Variants in WDR72 observed in about 807,000 individuals in gnomAD.
WDR72 encodes WD repeat-containing protein 72.
A neutral mutation model predicts 124.2 loss-of-function variants in WDR72; 120 were observed. The observed-to-expected ratio is 0.97, with a 90% CI of 0.83 to 1.12. WDR72 has a LOEUF of 1.12. Among genes scored for constraint, WDR72 ranks in the 50% most tolerant of loss-of-function variants. The pLI is 0.00. For synonymous variants in WDR72, 452 were observed against 441.7 expected (o/e 1.02, Z -0.29); for missense variants, 1,387 against 1,278.8 (o/e 1.08, Z -1.29).
intron 13 of WDR72, among the ~76,000 whole-genome samples, chr15:53,670,317 A>G (rs1001741424): frequency 1.3e-5 from 2 of 152,248 alleles, no homozygotes; most frequent in Non-Finnish European, 2.9e-5. Flanking sequence ...AAAGTTGCGT[A>G]GTTTCCAAAA....
chr15:53,692,917 CT>C (rs1459128001), intron 13 of WDR72, among the ~76,000 whole-genome samples: 2 of 152,056 alleles, frequency 1.3e-5, no homozygotes, highest in Admixed American at 1.3e-4. Flanking sequence ...CCTATTTTTT[CT>C]TTCCTAAAAC....
chr15:53,704,735 T>C (rs1052787612), intron 11 of WDR72, among the ~76,000 whole-genome samples: 2 of 140,918 alleles, frequency 1.4e-5, no homozygotes, highest in African/African-American at 5.2e-5. Flanking sequence ...GGTTTCACCG[T>C]GTTAGCCAGG....
chr15:53,761,529 G>A (rs2019063767), upstream of WDR72, among the ~76,000 whole-genome samples: 1 of 152,148 alleles, frequency 6.6e-6, no homozygotes, highest in South Asian at 2.1e-4. Context: ...ATGGAAGGAC[G>A]TTTTCCTCAA....
chr15:53,582,169 TTG>T (rs1204226864), intron 18 of WDR72, among the ~76,000 whole-genome samples: 1 of 151,996 alleles, frequency 6.6e-6, no homozygotes, highest in African/African-American at 2.4e-5. Context: ...CCTTTTATAC[TTG>T]TGATTTATGC....
intron 13 of WDR72, among the ~76,000 whole-genome samples, chr15:53,676,486 T>C (rs1361869987): frequency 1.3e-5 from 2 of 152,222 alleles, no homozygotes; most frequent in African/African-American, 4.8e-5. Flanking sequence ...GATGTGCCAT[T>C]GCTAGCTTGG....
intron 14 of WDR72, among the ~76,000 whole-genome samples, chr15:53,644,301 G>C (rs2014963205): frequency 6.6e-6 from 1 of 151,906 alleles, no homozygotes; most frequent in Non-Finnish European, 1.5e-5. Flanking sequence ...TTTCTTGGTG[G>C]TACATAGTTT....
At position 53,711,533 on chromosome 15, in the gene WDR72, A is replaced by G. The variant is rs374306373; in HGVS notation, c.712-52T>C. The G allele has an allele frequency of 1.5e-3, 2,377 of 1,564,674 alleles. 2 individuals are homozygous for G. Among genetic ancestry groups the G allele is most frequent in the Non-Finnish European group, 2.0e-3 (2,251 of 1,137,428 alleles). On this transcript the variant is annotated intron_variant, in intron 7 of 19. Coordinates refer to ENST00000360509, the MANE Select transcript of WDR72 (RefSeq NM_182758.4). ...TCAAAGGCTTAAATCTAGTCTGCCA[A>G]TAAGATGAATATAAATTATGATAGT...
Position 53,722,819 on chromosome 15 carries a change from A to C in WDR72, c.243T>G (p.Val81=). The C allele has an allele frequency of 6.2e-7, 1 of 1,614,146 alleles. No individual in the cohort carries two copies. The highest frequency in any genetic ancestry group is 8.5e-7 in the Non-Finnish European group (1 of 1,179,988). The change falls in exon 3 of 20, where the codon GTT becomes GTG. Residue 81 remains valine, a synonymous_variant. Coordinates refer to ENST00000360509, the MANE Select transcript of WDR72 (RefSeq NM_182758.4). ...ARDFSKQPYI[V]SAAENGEMCV... The stretch of plus-strand genomic sequence containing the variant: ...ATACCTACCCATTTTCAGCAGCACT[A>C]ACAATGTAGGGCTGTTTAGAGAAGT...
rs181425551 is a variant in WDR72, at chr15:53,672,884, C to T, written c.1766-7116G>A. Among the ~76,000 whole-genome samples the T allele has an allele frequency of 3.9e-5, 6 of 152,250 alleles. No homozygotes were observed. In the East Asian group the frequency reaches 9.6e-4, roughly 24 times the overall value. ...GTGGCTCACTCCTGTAATCCCAGCA[C>T]TTTGGGAGACTGAGGCGGGCTAATC... On this transcript the variant is annotated intron_variant, in intron 13 of 19. Coordinates refer to ENST00000360509, the MANE Select transcript of WDR72 (RefSeq NM_182758.4).
rs369026877 is a variant in WDR72 at position 53,630,011 on chromosome 15, C to A, written c.1963-13768G>T. Among the ~76,000 whole-genome samples, 6 of 152,146 alleles carry A rather than the reference C, an allele frequency of 3.9e-5. No individual in the cohort carries two copies. The East Asian group carries it at 9.6e-4, about 24-fold the overall frequency. On this transcript the variant is annotated intron_variant, in intron 14 of 19. Transcript: ENST00000360509. ...TCCTAAATAATTAGTGGGGAAAAAT[C>A]AAAGTAATGAAAGAGGGGTATCATC...
intron 13 of WDR72, among the ~76,000 whole-genome samples, chr15:53,690,255 C>G (rs1017822045): frequency 2.0e-5 from 3 of 152,062 alleles, no homozygotes. Context: ...TGCCTTTAGA[C>G]TTACTGTATG....
At chr15:53,540,141 A>T (rs1317006951) in intron 18 of WDR72, among the ~76,000 whole-genome samples, 5 of 152,258 alleles carry the variant, frequency 3.3e-5, no homozygotes, top group Non-Finnish European at 5.9e-5. Context: ...AGCAGAGGCT[A>T]AAGAGAATGG....
At chr15:53,618,160 A>T (rs981544057) in intron 14 of WDR72, among the ~76,000 whole-genome samples, 3 of 151,986 alleles carry the variant, frequency 2.0e-5, no homozygotes, top group Non-Finnish European at 4.4e-5. Context: ...TTACCCCTGC[A>T]TACTGTCAGA....
chr15:53,722,977 G>T (rs2017921656), intron 2 of WDR72, 69 bp from the exon 3 acceptor site: 3 of 1,393,752 alleles, frequency 2.2e-6, no homozygotes, highest in Non-Finnish European at 3.1e-6. Flanking sequence ...CCACAATATA[G>T]TATTCATAAC....
chr15:53,660,636 C>T (rs767675641), intron 14 of WDR72, among the ~76,000 whole-genome samples: 4 of 152,014 alleles, frequency 2.6e-5, no homozygotes, highest in African/African-American at 7.2e-5. Context: ...GTAAATAATG[C>T]AGTGCAGTCT....
At chr15:53,711,172 T>C in intron 8 of WDR72, 164 bp downstream of exon 8, 1 of 1,043,212 alleles carries the variant, frequency 9.6e-7, no homozygotes, top group Non-Finnish European at 1.4e-6. Context: ...TGCTGTTTTG[T>C]ACAAAGGCTG....
intron 18 of WDR72, among the ~76,000 whole-genome samples, chr15:53,536,089 G>A (rs1352502076): frequency 6.6e-6 from 1 of 152,140 alleles, no homozygotes. Context: ...AGGCACAGCT[G>A]GGACTTGGTG....
At position 53,699,854 on chromosome 15, in the gene WDR72, C is replaced by T. The variant is rs753883431; in HGVS notation, c.1661G>A (p.Arg554Gln). 32 of 1,613,948 alleles carry T rather than the reference C, an allele frequency of 2.0e-5. No individual in the cohort carries two copies. Among genetic ancestry groups the T allele is most frequent in the African/African-American group, 2.7e-5 (2 of 74,886 alleles). ...LEGKSCLLHARKHLFPVRMIK... is the reference protein window; with the variant it reads ...LEGKSCLLHAQKHLFPVRMIK... The stretch of plus-strand genomic sequence containing the variant: ...CATCCTCACAGGAAAAAGGTGCTTC[C>T]GGGCATGCAGGAGGCAACTCTTTCC... Residue 554 changes from arginine (R) to glutamine (Q), a missense_variant, in exon 13 of 20, where the codon CGG becomes CAG. Arg to Gln is a conservative substitution (Grantham distance 43). Coordinates refer to ENST00000360509, the MANE Select transcript of WDR72 (RefSeq NM_182758.4).
intron 17 of WDR72, among the ~76,000 whole-genome samples, chr15:53,600,661 TG>T (rs2013004102): frequency 6.6e-6 from 1 of 152,170 alleles, no homozygotes. Flanking sequence ...TAAGAACCCC[TG>T]TGTCCTGGTT....
Sources: gnomAD v4.1 joint callset for allele counts (sites outside exome capture counted in the v4.1 genomes callset) on GRCh38, gnomAD v4.1.1 for gene constraint, MANE v1.5 for transcripts, NCBI Gene and HGNC (gene_info 2026-07-23, HGNC 2026-07-21) for gene names.